The following NOBOX variants were observed in gnomAD, a reference collection of about 807,000 sequenced individuals.
NOBOX encodes NOBOX oogenesis homeobox, also known as homeobox protein NOBOX.
Under a neutral mutation model 60.2 loss-of-function variants are expected in NOBOX, and 46 were observed. The observed-to-expected ratio is 0.76, with a 90% CI of 0.60 to 0.98. The LOEUF (loss-of-function observed/expected upper bound fraction) is 0.98, where lower values mean the gene tolerates loss of function less well. Ranked by LOEUF, NOBOX falls within the 50% of genes least tolerant of loss-of-function variation. The pLI, the probability that NOBOX is intolerant of heterozygous loss-of-function variation, is 0.00. For synonymous variants in NOBOX, 360 were observed against 346.3 expected, an observed-to-expected ratio of 1.04 and a Z score of -0.44; for missense variants, 880 against 865.5, an observed-to-expected ratio of 1.02 and a Z score of -0.21.
chr7:144,401,622 C>A lies in NOBOX; in HGVS notation c.293-25G>T. 1.3e-6 allele frequency: 2 copies of A among 1,499,790 alleles called. No individual in the cohort carries two copies. The highest frequency in any genetic ancestry group is 4.5e-5 in the East Asian group (2 of 43,996). 92.9% of individuals were successfully genotyped at this position (1,499,790 alleles called of 1,614,324 possible). A position where few individuals can be genotyped will look rare whatever the true frequency, so the allele number is the denominator to read the frequency against. Reference sequence around the variant, plus strand: ...CCTGTGGGGAGCCAACATCCACTGACCTTAGCACCAGGGAGAAGGAAGAAC... The same window carrying A: ...CCTGTGGGGAGCCAACATCCACTGAACTTAGCACCAGGGAGAAGGAAGAAC... On this transcript the variant is annotated intron_variant, in intron 3 of 9. Coordinates refer to ENST00000467773, the MANE Select transcript of NOBOX (RefSeq NM_001080413.3). This position sits in a 1 kb window ranked among gnomAD's most constrained non-coding sequence, Gnocchi z 4.2.
rs145910807 is a variant in NOBOX at position 144,400,563 on chromosome 7, A to T, written c.845-251T>A. On this transcript the variant is annotated intron_variant, in intron 4 of 9. Coordinates refer to ENST00000467773, the MANE Select transcript of NOBOX (RefSeq NM_001080413.3). ...TTTTCTTTTTTTCTTTTTTAGACGG[A>T]GTCTCACTCTGTTGCCCAGGCTGGA... Among the ~76,000 whole-genome samples, 36 of 152,204 alleles carry T rather than the reference A, an allele frequency of 2.4e-4. 1 individual carries two copies. The East Asian group carries it at 6.2e-3, about 26-fold the overall frequency.
Position 144,401,520 on chromosome 7 carries a change from G to T in NOBOX, c.370C>A (p.Gln124Lys). ...GGCAGTTCCTCACTCTGAGTGTCCTGAGCATGAGGGGCTGAGCCCCGGAGC... is the reference window on the plus strand; with the variant it reads ...GGCAGTTCCTCACTCTGAGTGTCCTTAGCATGAGGGGCTGAGCCCCGGAGC... The change falls in exon 4 of 10, where the codon CAG (glutamine) becomes AAG (lysine). Residue 124 changes from glutamine (Q) to lysine (K), a missense_variant. Coordinates refer to ENST00000467773, the MANE Select transcript of NOBOX (RefSeq NM_001080413.3). This position sits in a 1 kb window ranked among gnomAD's most constrained non-coding sequence, Gnocchi z 4.2. 1 of 1,521,512 alleles carries T rather than the reference G, an allele frequency of 6.6e-7. No individual in the cohort carries two copies. 94.3% of individuals were successfully genotyped at this position (1,521,512 alleles called of 1,614,324 possible). A position where few individuals can be genotyped will look rare whatever the true frequency, so the allele number is the denominator to read the frequency against.
At chr7:144,403,157 A>G (rs562960700) in intron 2 of NOBOX, among the ~76,000 whole-genome samples, 12 of 152,262 alleles carry the variant, frequency 7.9e-5, no homozygotes, top group East Asian at 1.9e-4. Flanking sequence ...GACTTGCATG[A>G]GAGGGTCTGG....
chr7:144,405,033 T>G (rs554964793), intron 1 of NOBOX, among the ~76,000 whole-genome samples: 1 of 152,294 alleles, frequency 6.6e-6, no homozygotes, highest in East Asian at 1.9e-4. Flanking sequence ...TGGGTACATT[T>G]TCCTATTCCT....
chr7:144,398,461 T>C lies in NOBOX; in HGVS notation c.1595A>G (p.Gln532Arg). 1 of 1,537,118 alleles carries C rather than the reference T, an allele frequency of 6.5e-7. No individual in the cohort carries two copies. Among genetic ancestry groups the C allele is most frequent in the Non-Finnish European group, 8.7e-7 (1 of 1,146,878 alleles). The change falls in exon 9 of 10, where the codon CAG becomes CGG. Residue 532 changes from glutamine to arginine, a missense_variant. Coordinates refer to ENST00000467773, the MANE Select transcript of NOBOX (RefSeq NM_001080413.3). ...AGTGGGGAGGTAGGGCAACTTGGGCTGAGGGGACTGGAAAAGCGGGGGCTG... is the reference window on the plus strand; with the variant it reads ...AGTGGGGAGGTAGGGCAACTTGGGCCGAGGGGACTGGAAAAGCGGGGGCTG...
intron 2 of NOBOX, chr7:144,403,676 A>T: frequency 1.6e-6 from 1 of 641,452 alleles, no homozygotes; most frequent in Middle Eastern, 2.4e-4. Context: ...CCTGGCAGGG[A>T]TTCTCTGTGG....
Position 144,401,066 on chromosome 7 carries a change from G to T in NOBOX, c.824C>A (p.Thr275Lys), listed in dbSNP as rs1462724385. 1 of 1,528,550 alleles carries T rather than the reference G, an allele frequency of 6.5e-7. No homozygotes were observed. The highest frequency in any genetic ancestry group is 1.3e-5 in the South Asian group (1 of 75,040). 94.7% of individuals were successfully genotyped at this position (1,528,550 alleles called of 1,614,324 possible). A position where few individuals can be genotyped will look rare whatever the true frequency, so the allele number is the denominator to read the frequency against. ...CTTACCTGAGCGGTATAGGGTTCGT[G>T]TCTTTTTCCTAATTTGGCAGGTCAC... The change falls in exon 4 of 10, where the codon ACA becomes AAA. Residue 275 changes from threonine to lysine, a missense_variant. Thr to Lys is a moderately conservative substitution (Grantham distance 78). Coordinates refer to ENST00000467773, the MANE Select transcript of NOBOX (RefSeq NM_001080413.3). This position sits in a 1 kb window ranked among gnomAD's most constrained non-coding sequence, Gnocchi z 4.2.
At chr7:144,402,893 A>G (rs1297131130) in intron 2 of NOBOX, among the ~76,000 whole-genome samples, 1 of 150,934 alleles carries the variant, frequency 6.6e-6, no homozygotes, top group Non-Finnish European at 1.5e-5. Flanking sequence ...AGTAGCTGGG[A>G]TTACAGGTGT....
rs1181910399 is a variant in NOBOX at position 144,399,457 on chromosome 7, C to G, written c.1180G>C (p.Val394Leu). The change falls in exon 7 of 10, where the codon GTG becomes CTG. Residue 394 changes from valine (V) to leucine (L), a missense_variant. Val to Leu is a conservative substitution (Grantham distance 32). Transcript: ENST00000467773. ...GGGTCAGGCTTTGGCTCCATGGGCA[C>G]AGCAGGTAGGATCTCAGCTGCAGAG... 3.8e-6 allele frequency: 6 copies of G among 1,584,302 alleles called. No homozygotes were observed. Among genetic ancestry groups the G allele is most frequent in the Non-Finnish European group, 5.2e-6 (6 of 1,165,046 alleles).
At chr7:144,409,336 A>G (rs1208176) in intron 1 of NOBOX, among the ~76,000 whole-genome samples, 19,070 of 152,240 alleles carry the variant, frequency 0.13, 1,517 homozygotes, top group South Asian at 0.23. Context: ...CAAATTTATT[A>G]GAAAAAAGGG....
chr7:144,404,947 G>A (rs2053975558), intron 1 of NOBOX, among the ~76,000 whole-genome samples: 2 of 152,158 alleles, frequency 1.3e-5, no homozygotes, highest in Admixed American at 1.3e-4. Flanking sequence ...GGGCGGCCTG[G>A]AACAGAATCC....
At chr7:144,400,614 T>C (rs2053930738) in intron 4 of NOBOX, among the ~76,000 whole-genome samples, 2 of 152,238 alleles carry the variant, frequency 1.3e-5, no homozygotes, top group African/African-American at 4.8e-5. Context: ...CTCAGCTCAT[T>C]GCAACCTCTG....
intron 1 of NOBOX, among the ~76,000 whole-genome samples, chr7:144,408,367 T>G (rs2054000063): frequency 6.6e-6 from 1 of 152,112 alleles, no homozygotes. Flanking sequence ...GTCCTCCCCT[T>G]GTACTGTGTT....
In NOBOX at chr7:144,404,670, C is replaced by T. The variant is rs763258306; in HGVS notation, c.96G>A (p.Leu32=). 6.2e-7 allele frequency: 1 copy of T among 1,613,844 alleles called. No homozygotes were observed. Among genetic ancestry groups the T allele is most frequent in the Admixed American group, 1.7e-5 (1 of 60,008 alleles). The change falls in exon 2 of 10, where the codon CTG becomes CTA. Residue 32 remains leucine, a synonymous_variant. Transcript: ENST00000467773. ...CACACACAGGAAATTCAGGTACAGCCAGGGGCGGCCCTGCCAGGGACGGTG... is the reference window on the plus strand; with the variant it reads ...CACACACAGGAAATTCAGGTACAGCTAGGGGCGGCCCTGCCAGGGACGGTG...
Position 144,409,879 on chromosome 7 carries a change from C to T in NOBOX, c.85+264G>A, listed in dbSNP as rs1208178. Reference sequence around the variant, plus strand: ...AAGAAGGGGTCCGGGATTCTAAGGTCGTAAACCTGACAGCCAGCAGGGCAG... The same window carrying T: ...AAGAAGGGGTCCGGGATTCTAAGGTTGTAAACCTGACAGCCAGCAGGGCAG... On this transcript the variant is annotated intron_variant, in intron 1 of 9. Transcript: ENST00000467773. Among the ~76,000 whole-genome samples, 19,139 of 152,192 alleles carry T rather than the reference C, an allele frequency of 0.13. 1,525 individuals carry two copies. The highest frequency in any genetic ancestry group is 0.23 in the South Asian group (1,090 of 4,826).
At chr7:144,406,564 G>GAA (rs11393583) in intron 1 of NOBOX, among the ~76,000 whole-genome samples, 10,349 of 149,140 alleles carry the variant, frequency 0.069, 423 homozygotes, top group Middle Eastern at 0.1. Flanking sequence ...TCTCAAAAAA[G>GAA]AAAAAAAAAA....
rs1030731461 is a variant in NOBOX at position 144,400,904 on chromosome 7, C to T, written c.844+142G>A. The T allele has an allele frequency of 1.8e-5, 11 of 596,978 alleles. No homozygotes were observed. The South Asian group carries it at 3.5e-4, about 19-fold the overall frequency. The allele number at this position is 596,978 out of a possible 1,614,324, so 37.0% of individuals were successfully genotyped here. ...AGGGTCAGAGATAGTTGCACTACCG[C>T]GGCCCAAGAGAGAATCCGGGACGAA... On this transcript the variant is annotated intron_variant, in intron 4 of 9. Transcript: ENST00000467773.
rs1165635203 is a variant in NOBOX, at chr7:144,397,524, C to T, written c.1792G>A (p.Asp598Asn). 2.6e-6 allele frequency: 4 copies of T among 1,533,644 alleles called. No homozygotes were observed. The African/African-American group carries it at 5.5e-5, about 21-fold the overall frequency. The change falls in exon 10 of 10, where the codon GAC (aspartate) becomes AAC (asparagine). Residue 598 changes from aspartate to asparagine, a missense_variant. Transcript: ENST00000467773. Reference sequence around the variant, plus strand: ...AAGGGCAGCTCTGGCAAACAGGGGTCACTCCAGGAGGCTGTACCTGTGGGG... The same window carrying T: ...AAGGGCAGCTCTGGCAAACAGGGGTTACTCCAGGAGGCTGTACCTGTGGGG...
chr7:144,407,610 CA>C (rs2053994655), intron 1 of NOBOX, among the ~76,000 whole-genome samples: 1 of 152,234 alleles, frequency 6.6e-6, no homozygotes, highest in Non-Finnish European at 1.5e-5. Context: ...GGACCGATGA[CA>C]GGGAAAAAGT....
Sources: gnomAD v4.1 joint callset for allele counts (sites outside exome capture counted in the v4.1 genomes callset) on GRCh38, gnomAD v4.1.1 for gene constraint, Gnocchi (gnomAD v3.1) non-coding constraint, MANE v1.5 for transcripts, NCBI Gene and HGNC (gene_info 2026-07-23, HGNC 2026-07-21) for gene names.